Variants in GPC6 observed in about 807,000 individuals in gnomAD.
GPC6 encodes glypican-6.
A neutral mutation model predicts 55.2 loss-of-function variants in GPC6; 14 were observed. The observed-to-expected ratio is 0.25, with a 90% CI of 0.17 to 0.40. The LOEUF (loss-of-function observed/expected upper bound fraction) is 0.40, where lower values mean the gene tolerates loss of function less well. GPC6 is among the 10% of genes least tolerant of loss of function. The pLI, the probability that GPC6 is intolerant of heterozygous loss-of-function variation, is 1.00. For missense variants in GPC6, 641 were observed against 708.5 expected, an observed-to-expected ratio of 0.90 and a Z score of 1.08; for synonymous variants, 278 against 259.6, an observed-to-expected ratio of 1.07 and a Z score of -0.68.
intron 1 of GPC6, among the ~76,000 whole-genome samples, chr13:93,365,737 A>G (rs1307210838): frequency 2.0e-5 from 3 of 152,058 alleles, no homozygotes; most frequent in African/African-American, 7.2e-5. Flanking sequence ...GAAGGACCAG[A>G]TGACTGTGTA....
intron 1 of GPC6, among the ~76,000 whole-genome samples, chr13:93,383,261 G>T (rs543065469): frequency 1.3e-5 from 2 of 152,276 alleles, no homozygotes; most frequent in South Asian, 4.1e-4. Flanking sequence ...GTCCAGGCTG[G>T]AATGCAGTGG....
At chr13:93,547,174 CAAA>C (rs55697128) in intron 2 of GPC6, among the ~76,000 whole-genome samples, 310 of 129,082 alleles carry the variant, frequency 2.4e-3, no homozygotes, top group African/African-American at 8.5e-3. Flanking sequence ...ACTAAAAATA[CAAA>C]AAAAAAAAAA....
chr13:94,183,662 T>C (rs1441085924), intron 4 of GPC6, among the ~76,000 whole-genome samples: 5 of 152,186 alleles, frequency 3.3e-5, no homozygotes, highest in African/African-American at 1.2e-4. Context: ...AGTGACTGTA[T>C]CATCATACAC....
chr13:93,879,973 A>G (rs1874857260), intron 3 of GPC6, among the ~76,000 whole-genome samples: 1 of 151,132 alleles, frequency 6.6e-6, no homozygotes, highest in South Asian at 2.1e-4. Context: ...AATGCTCATC[A>G]TCACTGGCCA....
intron 2 of GPC6, among the ~76,000 whole-genome samples, chr13:93,730,568 T>C (rs1883787902): frequency 6.6e-6 from 1 of 152,172 alleles, no homozygotes; most frequent in Non-Finnish European, 1.5e-5. Context: ...TATAACTAAT[T>C]GGCCTAGACT....
At chr13:93,671,634 T>G (rs192725792) in intron 2 of GPC6, among the ~76,000 whole-genome samples, 20 of 152,072 alleles carry the variant, frequency 1.3e-4, no homozygotes, top group Admixed American at 5.2e-4. Context: ...GTTCTCTGGT[T>G]TTTTTAGGGT....
At chr13:93,276,163 C>T (rs1465285205) in intron 1 of GPC6, among the ~76,000 whole-genome samples, 1 of 152,076 alleles carries the variant, frequency 6.6e-6, no homozygotes, top group Non-Finnish European at 1.5e-5. Flanking sequence ...CGTGAGCCAC[C>T]GCGCCCAGCG....
intron 2 of GPC6, among the ~76,000 whole-genome samples, chr13:93,626,114 T>C (rs1237270390): frequency 2.6e-5 from 4 of 152,172 alleles, no homozygotes; most frequent in South Asian, 2.1e-4. Flanking sequence ...ATGGCAATAA[T>C]GCAGAAAACT....
At chr13:93,707,331 C>G (rs1882887841) in intron 2 of GPC6, among the ~76,000 whole-genome samples, 2 of 151,354 alleles carry the variant, frequency 1.3e-5, no homozygotes, top group African/African-American at 4.8e-5. Context: ...TACAACAAAC[C>G]CCCATGCCAC....
At chr13:93,366,762 G>A (rs1881265097) in intron 1 of GPC6, among the ~76,000 whole-genome samples, 1 of 151,956 alleles carries the variant, frequency 6.6e-6, no homozygotes, top group Non-Finnish European at 1.5e-5. Flanking sequence ...AGTAATTTAT[G>A]CTATATTTAT....
At chr13:93,391,215 T>C (rs2139217902) in intron 1 of GPC6, among the ~76,000 whole-genome samples, 1 of 152,248 alleles carries the variant, frequency 6.6e-6, no homozygotes, top group East Asian at 1.9e-4. Context: ...ATATGAAATG[T>C]TATTTAGAAA....
At chr13:94,389,402 G>T (rs1880547637) in intron 7 of GPC6, among the ~76,000 whole-genome samples, 1 of 152,116 alleles carries the variant, frequency 6.6e-6, no homozygotes, top group Non-Finnish European at 1.5e-5. Flanking sequence ...GAAAGCATAG[G>T]CTTGGAGGGA....
intron 4 of GPC6, among the ~76,000 whole-genome samples, chr13:94,281,054 G>A (rs1235781041): frequency 6.6e-6 from 1 of 152,088 alleles, no homozygotes; most frequent in African/African-American, 2.4e-5. Flanking sequence ...CAGCTTCTGT[G>A]CCCCTACAAA....
chr13:93,757,794 A>G (rs536926203), intron 2 of GPC6, among the ~76,000 whole-genome samples: 2 of 152,290 alleles, frequency 1.3e-5, no homozygotes, highest in South Asian at 4.1e-4. Context: ...GGATTCTGCC[A>G]TTTAGGCCAC....
At chr13:93,485,898 A>C (rs1168861266) in intron 1 of GPC6, among the ~76,000 whole-genome samples, 1 of 152,194 alleles carries the variant, frequency 6.6e-6, no homozygotes, top group Non-Finnish European at 1.5e-5. Flanking sequence ...CAGACTTAAG[A>C]CAGATTATTA....
In GPC6 at chr13:94,403,802, G is replaced by C. The variant is rs558829824; in HGVS notation, c.*585G>C. The C allele has an allele frequency of 2.3e-5, 4 of 171,682 alleles. No homozygotes were observed. Among genetic ancestry groups the C allele is most frequent in the African/African-American group, 9.6e-5 (4 of 41,564 alleles). 10.6% of individuals were successfully genotyped at this position (171,682 alleles called of 1,614,324 possible). On this transcript the variant is annotated 3_prime_UTR_variant, in exon 9 of 9. Coordinates refer to ENST00000377047, the MANE Select transcript of GPC6 (RefSeq NM_005708.5). ...GTGAAAATGCACTGTTGTCTTGGAG[G>C]TATCATCTTGCACTCTAACCAAACA...
At chr13:94,006,367 G>T (rs1420829518) in intron 3 of GPC6, among the ~76,000 whole-genome samples, 1 of 152,170 alleles carries the variant, frequency 6.6e-6, no homozygotes, top group Non-Finnish European at 1.5e-5. Flanking sequence ...ATAGCAGCAA[G>T]ACAGGCAGAT....
At chr13:93,534,811 G>A (rs1379651701) in intron 1 of GPC6, among the ~76,000 whole-genome samples, 1 of 152,102 alleles carries the variant, frequency 6.6e-6, no homozygotes, top group Non-Finnish European at 1.5e-5. Flanking sequence ...CAACTTCCTG[G>A]TAGAACTCCC....
intron 1 of GPC6, among the ~76,000 whole-genome samples, chr13:93,351,148 T>C (rs1023957493): frequency 2.0e-5 from 3 of 152,136 alleles, no homozygotes; most frequent in Non-Finnish European, 4.4e-5. Flanking sequence ...CTTAAAAAAA[T>C]TTGAATACAA....
Sources: gnomAD v4.1 joint callset for allele counts (sites outside exome capture counted in the v4.1 genomes callset) on GRCh38, gnomAD v4.1.1 for gene constraint, MANE v1.5 for transcripts, NCBI Gene and HGNC (gene_info 2026-07-23, HGNC 2026-07-21) for gene names.